CCDC38: variants seen among roughly 807,000 people sequenced by gnomAD.
CCDC38 encodes the protein coiled-coil domain-containing protein 38.
A neutral mutation model predicts 72.8 loss-of-function variants in CCDC38; 69 were observed. The ratio of observed to expected loss-of-function variants is 0.95; its 90% CI spans 0.78 to 1.16. The LOEUF (loss-of-function observed/expected upper bound fraction) is 1.16. Ranked by LOEUF, CCDC38 falls within the 50% of genes most tolerant of loss-of-function variation. The pLI is 0.00. For missense variants in CCDC38, 626 were observed against 638.9 expected (o/e 0.98, Z 0.22); for synonymous variants, 201 against 213.2 (o/e 0.94, Z 0.50).
chr12:95,872,414 T>G lies in CCDC38; in HGVS notation c.1325A>C (p.Lys442Thr), dbSNP rs758073256. The G allele has an allele frequency of 6.2e-7, 1 of 1,614,134 alleles. No homozygotes were observed. The highest frequency in any genetic ancestry group is 8.5e-7 in the Non-Finnish European group (1 of 1,179,990). Residue 442 changes from lysine (K) to threonine (T), a missense_variant, in exon 14 of 16, where the codon AAA becomes ACA. Coordinates refer to ENST00000344280, the MANE Select transcript of CCDC38 (RefSeq NM_182496.3). ...ATCCTCAGCATCTCCAATGCAGACT[T>G]TGTATACTTGAGTAATCTTTTTACT... ...SLSKKITQVY[K>T]VCIGDAEDDG...
intron 9 of CCDC38, chr12:95,889,033 C>CTTTTTTTTTTTTTTTTTT (rs63374760): frequency 1.2e-5 from 1 of 84,824 alleles, no homozygotes; most frequent in Non-Finnish European, 2.1e-5. Context: ...ATTGTCTCAG[C>CTTTTTTTTTTTTTTTTTT]TTTTTTTTTT....
intron 2 of CCDC38, among the ~76,000 whole-genome samples, chr12:95,925,935 C>T (rs1474772797): frequency 1.5e-5 from 2 of 130,012 alleles, no homozygotes; most frequent in African/African-American, 2.9e-5. Flanking sequence ...CTGCTGGATT[C>T]GGTTTGCCAG....
intron 2 of CCDC38, among the ~76,000 whole-genome samples, chr12:95,922,100 G>A (rs1336949251): frequency 1.3e-5 from 2 of 152,232 alleles, no homozygotes; most frequent in East Asian, 3.8e-4. Context: ...AAGATTCAGT[G>A]TAGAAAGTGG....
At chr12:95,925,574 G>T (rs559265851) in intron 2 of CCDC38, among the ~76,000 whole-genome samples, 27 of 152,050 alleles carry the variant, frequency 1.8e-4, no homozygotes, top group Non-Finnish European at 2.5e-4. Context: ...CTTCCAACAC[G>T]ATGTTGAATA....
At position 95,871,401 on chromosome 12, in the gene CCDC38, G is replaced by A. The variant is rs374044565; in HGVS notation, c.1484+854C>T. ...TACGTAGGTTATATGCAAATATGCCGTCTTATATGAGACATGAGCATCTGC... is the reference window on the plus strand; with the variant it reads ...TACGTAGGTTATATGCAAATATGCCATCTTATATGAGACATGAGCATCTGC... On this transcript the variant is annotated intron_variant, in intron 14 of 15. Coordinates refer to ENST00000344280, the MANE Select transcript of CCDC38 (RefSeq NM_182496.3). 4.7e-4 allele frequency among the ~76,000 whole-genome samples: 71 copies of A among 152,262 alleles called. No individual in the cohort carries two copies. In the South Asian group the frequency reaches 6.2e-3, roughly 13 times the overall value.
At chr12:95,928,325 T>C (rs2080296105) in intron 2 of CCDC38, among the ~76,000 whole-genome samples, 1 of 152,244 alleles carries the variant, frequency 6.6e-6, no homozygotes, top group African/African-American at 2.4e-5. Context: ...TTCCAGTTGA[T>C]CGCATCAGCT....
chr12:95,916,420 T>C (rs7952869), intron 4 of CCDC38, among the ~76,000 whole-genome samples: 10,023 of 122,214 alleles, frequency 0.082, 547 homozygotes, highest in Non-Finnish European at 0.11. Context: ...TTCCTTCCTT[T>C]TTTCCCTTCT....
intron 2 of CCDC38, among the ~76,000 whole-genome samples, chr12:95,921,106 CA>C (rs1397202309): frequency 1.4e-5 from 2 of 144,242 alleles, no homozygotes; most frequent in African/African-American, 5.1e-5. Flanking sequence ...CCAGCCTGGG[CA>C]ACAAGAGTGA....
At chr12:95,907,027 T>G in intron 4 of CCDC38, among the ~76,000 whole-genome samples, 1 of 151,366 alleles carries the variant, frequency 6.6e-6, no homozygotes, top group East Asian at 1.9e-4. Flanking sequence ...TGATGACTCT[T>G]AACGAGCATG....
At chr12:95,882,406 G>C (rs1020799441) in intron 10 of CCDC38, among the ~76,000 whole-genome samples, 1 of 152,100 alleles carries the variant, frequency 6.6e-6, no homozygotes, top group Non-Finnish European at 1.5e-5. Context: ...GAAAAATGGA[G>C]GTAGCACTCA....
intron 2 of CCDC38, chr12:95,933,468 T>C (rs1270060589): frequency 1.3e-5 from 2 of 152,154 alleles, no homozygotes; most frequent in Admixed American, 6.5e-5. Context: ...ATCAGGGAAA[T>C]GCAAATAAAG....
rs2289097 is a variant in CCDC38 at position 95,879,491 on chromosome 12, C to T, written c.1142+153G>A. ...GCCAGTCTATTCTGTGTAAATACGACGTCTACGTTTTGCACTCCACAATGT... is the reference window on the plus strand; with the variant it reads ...GCCAGTCTATTCTGTGTAAATACGATGTCTACGTTTTGCACTCCACAATGT... On this transcript the variant is annotated intron_variant, in intron 12 of 15. Transcript: ENST00000344280. This position sits in a 1 kb window ranked among gnomAD's most constrained non-coding sequence, Gnocchi z 5.5. 2.0e-5 allele frequency among the ~76,000 whole-genome samples: 3 copies of T among 152,126 alleles called. No individual in the cohort carries two copies. The highest frequency in any genetic ancestry group is 1.9e-4 in the East Asian group (1 of 5,194).
At chr12:95,898,752 G>C (rs374471899) in intron 5 of CCDC38, 21 bp from the exon 6 acceptor site, 8 of 1,603,746 alleles carry the variant, frequency 5.0e-6, no homozygotes, top group Non-Finnish European at 6.8e-6. Flanking sequence ...TGAAGACAGA[G>C]GTGTAAAAAC....
chr12:95,915,818 T>C (rs191316364), intron 4 of CCDC38, among the ~76,000 whole-genome samples: 134 of 152,356 alleles, frequency 8.8e-4, no homozygotes, highest in Admixed American at 8.7e-3. Flanking sequence ...ACAATTTTAC[T>C]GTTTCCTTTT....
intron 8 of CCDC38, among the ~76,000 whole-genome samples, chr12:95,891,474 T>G (rs1326012580): frequency 6.6e-6 from 1 of 152,050 alleles, no homozygotes; most frequent in African/African-American, 2.4e-5. Context: ...GCCTCCAGAG[T>G]AGCTGGGACT....
intron 2 of CCDC38, among the ~76,000 whole-genome samples, chr12:95,921,805 T>C (rs2080212496): frequency 6.6e-6 from 1 of 151,832 alleles, no homozygotes; most frequent in Admixed American, 6.6e-5. Flanking sequence ...TTACCCCACA[T>C]CCCATGTCCA....
rs149303834 is a variant in CCDC38, at chr12:95,867,090, A to G, written c.1678T>C (p.Tyr560His). 1.3e-6 allele frequency: 2 copies of G among 1,572,444 alleles called. No individual in the cohort carries two copies. The highest frequency in any genetic ancestry group is 1.7e-6 in the Non-Finnish European group (2 of 1,145,756). The change falls in exon 16 of 16, where the codon TAT (tyrosine) becomes CAT (histidine). Residue 560 changes from tyrosine (Y) to histidine (H), a missense_variant. Coordinates refer to ENST00000344280, the MANE Select transcript of CCDC38 (RefSeq NM_182496.3). ...ETKTKSQEEE[Y>H]FFT is the part of the protein sequence containing the mutation. ...ACTGCTTTTATTCAAGTAAAAAAAT[A>G]TTCTTCCTCTTGTGATTTTGTTTTT...
intron 12 of CCDC38, 107 bp from the exon 13 acceptor site, chr12:95,878,453 G>A (rs771559720): frequency 2.8e-6 from 3 of 1,089,138 alleles, no homozygotes; most frequent in Non-Finnish European, 4.0e-6. Flanking sequence ...TCCATGTAGT[G>A]AGCCAAATAC....
intron 1 of CCDC38, among the ~76,000 whole-genome samples, chr12:95,939,712 T>C (rs1293038493): frequency 6.6e-6 from 1 of 152,212 alleles, no homozygotes; most frequent in Non-Finnish European, 1.5e-5. Flanking sequence ...ATATTAGATA[T>C]CTAAAGGGAC....
Sources: allele counts gnomAD v4.1 joint callset (sites outside exome capture counted in the v4.1 genomes callset), GRCh38; gene constraint gnomAD v4.1.1; non-coding constraint Gnocchi (gnomAD v3.1); transcripts MANE v1.5; gene names NCBI Gene and HGNC (gene_info 2026-07-23, HGNC 2026-07-21).